The following IMPA2 variants were observed in gnomAD, a reference collection of about 807,000 sequenced individuals.
The protein encoded by IMPA2 is IMP 2.
IMPA2 carries 32 observed loss-of-function variants against 35.1 expected under a neutral mutation model. That is an observed-to-expected ratio of 0.91 (90% confidence interval 0.69 to 1.23). The LOEUF (loss-of-function observed/expected upper bound fraction) is 1.23. Ranked by LOEUF, IMPA2 falls within the 50% of genes most tolerant of loss-of-function variation. IMPA2 has a pLI of 0.00. For synonymous variants in IMPA2, 135 were observed against 160.6 expected (o/e 0.84, Z 1.20); for missense variants, 334 against 387.6 (o/e 0.86, Z 1.16).
At chr18:11,995,400 C>T (rs1906932527) in intron 1 of IMPA2, among the ~76,000 whole-genome samples, 1 of 152,206 alleles carries the variant, frequency 6.6e-6, no homozygotes, top group African/African-American at 2.4e-5. Context: ...GTGCTGAGGC[C>T]ACACGTATCC....
intron 3 of IMPA2, among the ~76,000 whole-genome samples, chr18:12,011,539 T>C (rs1907434745): frequency 6.6e-6 from 1 of 152,240 alleles, no homozygotes; most frequent in African/African-American, 2.4e-5. Context: ...TTCCTGTCAG[T>C]TTGCAGTACC....
At chr18:12,026,326 C>T (rs917641058) in intron 5 of IMPA2, among the ~76,000 whole-genome samples, 1 of 152,180 alleles carries the variant, frequency 6.6e-6, no homozygotes, top group Non-Finnish European at 1.5e-5. Context: ...AGCCATCGCG[C>T]CCGACCAAAA....
Position 11,981,573 on chromosome 18 carries a change from C to A in IMPA2, c.-97C>A. The A allele has an allele frequency of 1.3e-6, 1 of 780,168 alleles. No individual in the cohort carries two copies. Among genetic ancestry groups the A allele is most frequent in the Non-Finnish European group, 1.7e-6 (1 of 577,278 alleles). 48.3% of individuals were successfully genotyped at this position (780,168 alleles called of 1,614,324 possible). On this transcript the variant is annotated 5_prime_UTR_variant, in exon 1 of 8. Transcript: ENST00000269159. ...AGGCACAGAGCTGCGGGAGCAGGCA[C>A]AGGGAGTGTGGAGCCTGGCGGCGGG...
At chr18:12,021,935 C>T (rs1002783943) in intron 5 of IMPA2, 4 of 152,148 alleles carry the variant, frequency 2.6e-5, no homozygotes, top group Non-Finnish European at 5.9e-5. Flanking sequence ...TCCAAACTGT[C>T]GGAAGTCACT....
chr18:12,020,001 G>A (rs1366935516), intron 5 of IMPA2, among the ~76,000 whole-genome samples: 4 of 151,954 alleles, frequency 2.6e-5, no homozygotes, highest in Admixed American at 1.3e-4. Context: ...TCAGTCTCCT[G>A]AGTAGCTAGG....
rs201034032 is a variant in IMPA2 at position 12,014,387 on chromosome 18, C to A, written c.490+14C>A. 26 of 1,490,630 alleles carry A rather than the reference C, an allele frequency of 1.7e-5. No individual in the cohort carries two copies. Among genetic ancestry groups the A allele is most frequent in the Non-Finnish European group, 2.3e-5 (25 of 1,092,012 alleles). 92.3% of individuals were successfully genotyped at this position (1,490,630 alleles called of 1,614,324 possible). A position where few individuals can be genotyped will look rare whatever the true frequency, so the allele number is the denominator to read the frequency against. On this transcript the variant is annotated intron_variant, in intron 5 of 7. Transcript: ENST00000269159. ...CCGGGGAGACAGGTGGGCTTCACAA[C>A]GCTCGTCTCAGTTTACTTCTGAAAT...
intron 2 of IMPA2, among the ~76,000 whole-genome samples, chr18:12,002,918 C>T (rs370703413): frequency 7.3e-5 from 11 of 151,376 alleles, no homozygotes; most frequent in Non-Finnish European, 1.0e-4. Flanking sequence ...ATAGGCTGGG[C>T]GCGGTGGTTT....
At chr18:12,018,403 C>T (rs374233997) in intron 5 of IMPA2, 1 of 152,314 alleles carries the variant, frequency 6.6e-6, no homozygotes, top group East Asian at 1.9e-4. Flanking sequence ...GCCACGCTCT[C>T]ACCTCAAAGC....
Position 11,999,375 on chromosome 18 carries a change from T to C in IMPA2, c.230+188T>C, listed in dbSNP as rs1359327360. Reference sequence around the variant, plus strand: ...AAACTCAGCCCTGTTTTCATTCTTTTTACTGTCATCTTAACAACCATCACG... The same window carrying C: ...AAACTCAGCCCTGTTTTCATTCTTTCTACTGTCATCTTAACAACCATCACG... On this transcript the variant is annotated intron_variant, in intron 2 of 7. Coordinates refer to ENST00000269159, the MANE Select transcript of IMPA2 (RefSeq NM_014214.3). Among the ~76,000 whole-genome samples the C allele has an allele frequency of 3.3e-5, 5 of 152,362 alleles. No individual in the cohort carries two copies. The South Asian group carries it at 6.2e-4, about 19-fold the overall frequency.
At chr18:12,025,486 C>T (rs932572301) in intron 5 of IMPA2, among the ~76,000 whole-genome samples, 3 of 152,252 alleles carry the variant, frequency 2.0e-5, no homozygotes, top group African/African-American at 7.2e-5. Context: ...TGCATTTCCA[C>T]CAGCCATGCA....
chr18:11,995,312 C>T lies in IMPA2; in HGVS notation c.97-3742C>T, dbSNP rs563977037. Among the ~76,000 whole-genome samples the T allele has an allele frequency of 2.0e-5, 3 of 152,352 alleles. No individual in the cohort carries two copies. In the South Asian group the frequency reaches 6.2e-4, roughly 32 times the overall value. On this transcript the variant is annotated intron_variant, in intron 1 of 7. Transcript: ENST00000269159. ...AGGGGGAATGGGACACGAGGAAGTG[C>T]AAGGCAGTATCCTTTTGAGGATGTG...
In IMPA2 at chr18:12,030,502, T is replaced by TG. The variant is rs754972020; in HGVS notation, c.*45dup. The TG allele has an allele frequency of 2.6e-6, 4 of 1,515,772 alleles. No homozygotes were observed. In the South Asian group the frequency reaches 3.4e-5, roughly 13 times the overall value. The allele number at this position is 1,515,772 out of a possible 1,614,324, so 93.9% of individuals were successfully genotyped here. A position where few individuals can be genotyped will look rare whatever the true frequency, so the allele number is the denominator to read the frequency against. On this transcript the variant is annotated 3_prime_UTR_variant, in exon 8 of 8. Coordinates refer to ENST00000269159, the MANE Select transcript of IMPA2 (RefSeq NM_014214.3). ...TGCTCCCAAGGCCTCCCTGGGCTGC[T>TG]GTGGGCTCCTGGGGAGGTGGCCCTC...
rs747684756 is a variant in IMPA2 at position 12,030,354 on chromosome 18, G to T, written c.763G>T (p.Asp255Tyr). 2 of 1,614,040 alleles carry T rather than the reference G, an allele frequency of 1.2e-6. No individual in the cohort carries two copies. Among genetic ancestry groups the T allele is most frequent in the African/African-American group, 2.7e-5 (2 of 74,934 alleles). ...IVIDTSGGPLDLMACRVVAAS... is the reference protein window; with the variant it reads ...IVIDTSGGPLYLMACRVVAAS... ...CTGTCTGTCCCCAGGTGGACCCCTC[G>T]ACCTCATGGCTTGCAGAGTGGTTGC... is the stretch of plus-strand genomic sequence containing the variant. The change falls in exon 8 of 8, where the codon GAC becomes TAC. Residue 255 changes from aspartate to tyrosine, a missense_variant. Asp to Tyr is a radical substitution (Grantham distance 160). Coordinates refer to ENST00000269159, the MANE Select transcript of IMPA2 (RefSeq NM_014214.3).
intron 2 of IMPA2, among the ~76,000 whole-genome samples, chr18:12,003,650 TA>T (rs77016043): frequency 0.079 from 6,291 of 79,902 alleles, 213 homozygotes; most frequent in South Asian, 0.14. Context: ...GACTCCATCT[TA>T]AAAAAAAAAA....
Position 11,999,178 on chromosome 18 carries a change from C to T in IMPA2, c.221C>T (p.Pro74Leu), listed in dbSNP as rs960285738. 22 of 1,613,472 alleles carry T rather than the reference C, an allele frequency of 1.4e-5. No individual in the cohort carries two copies. The highest frequency in any genetic ancestry group is 1.9e-5 in the Non-Finnish European group (22 of 1,179,762). ...LIISELRERF[P>L]SHRFIAEEAA... is the part of the protein sequence containing the mutation. Reference sequence around the variant, plus strand: ...ATTTCTGAGTTGCGAGAGAGGTTTCCTTCACACAGGTAGGTGTACTCCTCT... The same window carrying T: ...ATTTCTGAGTTGCGAGAGAGGTTTCTTTCACACAGGTAGGTGTACTCCTCT... Residue 74 changes from proline to leucine, a missense_variant, in exon 2 of 8, where the codon CCT becomes CTT. Coordinates refer to ENST00000269159, the MANE Select transcript of IMPA2 (RefSeq NM_014214.3).
intron 5 of IMPA2, chr18:12,021,675 C>G (rs1314732785): frequency 6.6e-6 from 1 of 152,202 alleles, no homozygotes; most frequent in Non-Finnish European, 1.5e-5. Flanking sequence ...CACCACCATG[C>G]CTGGCTAACT....
chr18:11,990,001 G>A (rs187456203), intron 1 of IMPA2, among the ~76,000 whole-genome samples: 10 of 152,278 alleles, frequency 6.6e-5, no homozygotes, highest in Admixed American at 3.9e-4. Flanking sequence ...GGGGAGTTCC[G>A]GAGTCTAGGC....
Position 12,009,769 on chromosome 18 carries a change from A to G in IMPA2, c.231-114A>G, listed in dbSNP as rs981141783. ...TGCCTCTGTTTGACCCAGAGAAACC[A>G]TGATGACATCTGTTTGCTGTGCCAC... On this transcript the variant is annotated intron_variant, in intron 2 of 7. Transcript: ENST00000269159. 5 of 773,190 alleles carry G rather than the reference A, an allele frequency of 6.5e-6. No individual in the cohort carries two copies. The African/African-American group carries it at 6.9e-5, about 11-fold the overall frequency. The allele number at this position is 773,190 out of a possible 1,614,324, so 47.9% of individuals were successfully genotyped here. A position where few individuals can be genotyped will look rare whatever the true frequency, so the allele number is the denominator to read the frequency against.
In IMPA2 at chr18:12,006,525, C is replaced by T. The variant is rs557142785; in HGVS notation, c.231-3358C>T. Among the ~76,000 whole-genome samples, 13 of 152,338 alleles carry T rather than the reference C, an allele frequency of 8.5e-5. No individual in the cohort carries two copies. In the East Asian group the frequency reaches 2.3e-3, roughly 27 times the overall value. ...TGAGCCTGCCCAGGCTCTCCAGGAACAGCTGATGATTCCTTGGGTGTCTTG... is the reference window on the plus strand; with the variant it reads ...TGAGCCTGCCCAGGCTCTCCAGGAATAGCTGATGATTCCTTGGGTGTCTTG... On this transcript the variant is annotated intron_variant, in intron 2 of 7. Coordinates refer to ENST00000269159, the MANE Select transcript of IMPA2 (RefSeq NM_014214.3).
Sources: gnomAD v4.1 joint callset for allele counts (sites outside exome capture counted in the v4.1 genomes callset) on GRCh38, gnomAD v4.1.1 for gene constraint, MANE v1.5 for transcripts, NCBI Gene and HGNC (gene_info 2026-07-23, HGNC 2026-07-21) for gene names.